The following DNM3 variants were observed in gnomAD, a reference collection of about 807,000 sequenced individuals.
The protein encoded by DNM3 is dynamin 3.
A neutral mutation model predicts 101.6 loss-of-function variants in DNM3; 47 were observed. The ratio of observed to expected loss-of-function variants is 0.46; its 90% confidence interval spans 0.37 to 0.59. DNM3 has a LOEUF of 0.59. DNM3 is among the 20% of genes least tolerant of loss of function. The pLI is 0.00. For missense variants in DNM3, 849 were observed against 1,085.7 expected (o/e 0.78, Z 3.06); for synonymous variants, 385 against 387.9 (o/e 0.99, Z 0.09).
intron 15 of DNM3, among the ~76,000 whole-genome samples, chr1:172,273,580 A>G (rs1194932708): frequency 6.6e-6 from 1 of 152,120 alleles, no homozygotes; most frequent in East Asian, 1.9e-4. Context: ...AACAAAAATA[A>G]TTATTAAGGG....
intron 1 of DNM3, among the ~76,000 whole-genome samples, chr1:171,903,057 G>A (rs572996175): frequency 3.3e-5 from 5 of 152,072 alleles, no homozygotes; most frequent in East Asian, 1.9e-4. Flanking sequence ...TGGGAGGATG[G>A]GGTGGGAGGA....
intron 17 of DNM3, among the ~76,000 whole-genome samples, chr1:172,328,373 G>A (rs576493993): frequency 4.6e-5 from 7 of 152,216 alleles, no homozygotes; most frequent in African/African-American, 1.7e-4. Flanking sequence ...AGTCGTTCAT[G>A]CCTGTTTTGA....
At chr1:172,385,957 G>A (rs1421382985) in intron 18 of DNM3, among the ~76,000 whole-genome samples, 1 of 152,140 alleles carries the variant, frequency 6.6e-6, no homozygotes, top group Non-Finnish European at 1.5e-5. Context: ...GAGATAATGG[G>A]GTAAGGGAAT....
At position 172,038,607 on chromosome 1, in the gene DNM3, T is replaced by A. The variant is rs941911213; in HGVS notation, c.992+146T>A. 3 of 1,110,904 alleles carry A rather than the reference T, an allele frequency of 2.7e-6. No individual in the cohort carries two copies. The African/African-American group carries it at 4.7e-5, about 18-fold the overall frequency. The allele number at this position is 1,110,904 out of a possible 1,614,324, so 68.8% of individuals were successfully genotyped here. A position where few individuals can be genotyped will look rare whatever the true frequency, so the allele number is the denominator to read the frequency against. The stretch of plus-strand genomic sequence containing the variant: ...TATGATACAAGATAACTCTTGAATT[T>A]TTATGCTTTGTTGAACAAGAATTAT... On this transcript the variant is annotated intron_variant, in intron 7 of 20. Coordinates refer to ENST00000627582, the MANE Select transcript of DNM3 (RefSeq NM_015569.5).
chr1:171,883,358 A>C (rs1048320627), intron 1 of DNM3, among the ~76,000 whole-genome samples: 8 of 128,912 alleles, frequency 6.2e-5, no homozygotes, highest in Non-Finnish European at 1.1e-4. Flanking sequence ...AAAAACAAAA[A>C]AGGACCACAC....
At chr1:172,309,411 A>C (rs1330243111) in intron 16 of DNM3, 1 of 152,208 alleles carries the variant, frequency 6.6e-6, no homozygotes. Context: ...TCTCTCATTC[A>C]AGTTAATAAA....
At chr1:171,926,438 A>G (rs1257469396) in intron 2 of DNM3, among the ~76,000 whole-genome samples, 1 of 152,148 alleles carries the variant, frequency 6.6e-6, no homozygotes. Flanking sequence ...CTGCATGTGG[A>G]TATCCACTAG....
intron 14 of DNM3, among the ~76,000 whole-genome samples, chr1:172,157,049 C>T (rs2058365771): frequency 6.6e-6 from 1 of 152,010 alleles, no homozygotes; most frequent in Admixed American, 6.6e-5. Flanking sequence ...TGGGATGATT[C>T]AAGTGCATTA....
chr1:171,882,978 A>G (rs556160964), intron 1 of DNM3, among the ~76,000 whole-genome samples: 1 of 151,882 alleles, frequency 6.6e-6, no homozygotes, highest in Non-Finnish European at 1.5e-5. Flanking sequence ...CCCATATTTT[A>G]TACATATTAA....
At chr1:172,274,956 T>C (rs2063223724) in intron 15 of DNM3, among the ~76,000 whole-genome samples, 1 of 152,006 alleles carries the variant, frequency 6.6e-6, no homozygotes, top group Non-Finnish European at 1.5e-5. Flanking sequence ...TTTCTGTATT[T>C]TTGTCATTAT....
At chr1:172,367,698 C>T (rs1038394086) in intron 17 of DNM3, among the ~76,000 whole-genome samples, 1 of 151,872 alleles carries the variant, frequency 6.6e-6, no homozygotes, top group African/African-American at 2.4e-5. Context: ...CTACAATAAA[C>T]TCACTTTACC....
rs966173942 is a variant in DNM3, at chr1:171,988,821, C to T, written c.386-124C>T. 3.0e-5 allele frequency: 23 copies of T among 755,094 alleles called. No homozygotes were observed. In the East Asian group the frequency reaches 5.6e-4, roughly 18 times the overall value. The allele number at this position is 755,094 out of a possible 1,614,324, so 46.8% of individuals were successfully genotyped here. On this transcript the variant is annotated intron_variant, in intron 3 of 20. Transcript: ENST00000627582. ...TTTTTATTTTATGCTCTTTATTCTA[C>T]ACACATGGGTTGGAGTTGTTCAGAT...
At chr1:172,399,975 T>G (rs2070342338) in intron 20 of DNM3, 1 of 152,072 alleles carries the variant, frequency 6.6e-6, no homozygotes, top group Non-Finnish European at 1.5e-5. Context: ...GTATTTCTAG[T>G]TACATAGTTA....
chr1:172,155,194 C>G (rs569393263), intron 14 of DNM3, among the ~76,000 whole-genome samples: 1 of 151,658 alleles, frequency 6.6e-6, no homozygotes, highest in East Asian at 1.9e-4. Context: ...GCCAACCATA[C>G]AATTGTGATT....
At chr1:172,162,569 G>A (rs2058584094) in intron 14 of DNM3, among the ~76,000 whole-genome samples, 1 of 151,806 alleles carries the variant, frequency 6.6e-6, no homozygotes, top group African/African-American at 2.4e-5. Flanking sequence ...TCCACTAAGG[G>A]GTAAGAAAGA....
At chr1:172,283,780 A>AAAAAAAAAAAAAAAAAAAAAAAAAAAG (rs1553221113) in intron 15 of DNM3, among the ~76,000 whole-genome samples, 3 of 119,084 alleles carry the variant, frequency 2.5e-5, no homozygotes, top group African/African-American at 1.0e-4. Context: ...AAAAAAAAAA[A>AAAAAAAAAAAAAAAAAAAAAAAAAAAG]AAAGAAAGAA....
intron 17 of DNM3, chr1:172,378,034 C>T (rs1166770195): frequency 2.0e-5 from 3 of 152,012 alleles, no homozygotes; most frequent in East Asian, 1.9e-4. Context: ...AAAAGCACTT[C>T]GTGTCTACAT....
chr1:171,890,253 G>T (rs2037150946), intron 1 of DNM3, among the ~76,000 whole-genome samples: 1 of 152,022 alleles, frequency 6.6e-6, no homozygotes, highest in African/African-American at 2.4e-5. Context: ...CTGCTTTCTG[G>T]TTTTATTTTA....
chr1:172,058,289 G>A (rs2125900107), intron 10 of DNM3, among the ~76,000 whole-genome samples: 1 of 151,988 alleles, frequency 6.6e-6, no homozygotes, highest in South Asian at 2.1e-4. Flanking sequence ...AGATCAACGA[G>A]ACAGAAACTC....
Sources: allele counts gnomAD v4.1 joint callset (sites outside exome capture counted in the v4.1 genomes callset), GRCh38; gene constraint gnomAD v4.1.1; transcripts MANE v1.5; gene names NCBI Gene and HGNC (gene_info 2026-07-23, HGNC 2026-07-21).